Variants in CDKAL1 observed in about 807,000 individuals in gnomAD.
CDKAL1 encodes the protein CDKAL1 threonylcarbamoyladenosine tRNA methylthiotransferase, also known as threonylcarbamoyladenosine tRNA methylthiotransferase.
A neutral mutation model predicts 68.2 loss-of-function variants in CDKAL1; 32 were observed. The observed-to-expected ratio is 0.47, with a 90% CI of 0.35 to 0.63. CDKAL1 has a LOEUF of 0.63. Among genes scored for constraint, CDKAL1 ranks in the 30% least tolerant of loss-of-function variants. CDKAL1 has a pLI of 0.00. For missense variants in CDKAL1, 606 were observed against 696.7 expected (o/e 0.87, Z 1.47); for synonymous variants, 234 against 244.3 (o/e 0.96, Z 0.39).
intron 11 of CDKAL1, among the ~76,000 whole-genome samples, chr6:21,045,786 G>T (rs1476804869): frequency 6.6e-6 from 1 of 152,176 alleles, no homozygotes; most frequent in East Asian, 1.9e-4. Context: ...TGATGGAGGG[G>T]TGCTGAGAAA....
intron 4 of CDKAL1, among the ~76,000 whole-genome samples, chr6:20,617,226 T>C (rs1766958402): frequency 6.6e-6 from 1 of 152,080 alleles, no homozygotes; most frequent in Non-Finnish European, 1.5e-5. Context: ...GAGATCTGCC[T>C]CTGTATGCCA....
At chr6:21,174,843 G>C (rs917441767) in intron 13 of CDKAL1, among the ~76,000 whole-genome samples, 5 of 152,094 alleles carry the variant, frequency 3.3e-5, no homozygotes, top group Non-Finnish European at 7.4e-5. Context: ...ATGCGTTATT[G>C]TTGGTAATAG....
At chr6:21,180,460 CT>C (rs1425937601) in intron 13 of CDKAL1, among the ~76,000 whole-genome samples, 1 of 151,608 alleles carries the variant, frequency 6.6e-6, no homozygotes, top group African/African-American at 2.4e-5. Flanking sequence ...CTATTTACAG[CT>C]GCTAGTGTTT....
intron 8 of CDKAL1, among the ~76,000 whole-genome samples, chr6:20,831,347 G>A (rs1013120171): frequency 6.6e-6 from 1 of 152,152 alleles, no homozygotes; most frequent in African/African-American, 2.4e-5. Context: ...TGAATATGGC[G>A]GAGGAGGCAA....
chr6:21,049,078 A>G (rs1046757903), intron 11 of CDKAL1, among the ~76,000 whole-genome samples: 3 of 152,132 alleles, frequency 2.0e-5, no homozygotes, highest in Non-Finnish European at 4.4e-5. Flanking sequence ...AAGCAGACAG[A>G]AAAAGGTATA....
chr6:20,853,388 AAAC>A (rs796181770), intron 9 of CDKAL1, among the ~76,000 whole-genome samples: 5,356 of 27,400 alleles, frequency 0.2, 391 homozygotes, highest in African/African-American at 0.35. Flanking sequence ...TCAAAAAACA[AAAC>A]AAAAAAAAAA....
chr6:21,105,048 GT>G (rs1448674493), intron 12 of CDKAL1, among the ~76,000 whole-genome samples: 1 of 152,054 alleles, frequency 6.6e-6, no homozygotes, highest in Non-Finnish European at 1.5e-5. Context: ...TTTCCCCAGT[GT>G]TTTATATCAA....
At chr6:20,546,238 A>G (rs1213731444) in intron 2 of CDKAL1, 108 bp from the exon 3 acceptor site, 4 of 776,926 alleles carry the variant, frequency 5.1e-6, no homozygotes, top group Non-Finnish European at 6.1e-6. Flanking sequence ...ATTTGAAGTT[A>G]GATCCAAAGG....
rs988235934 is a variant in CDKAL1 at position 21,096,526 on chromosome 6, G to T, written c.1237-11875G>T. Among the ~76,000 whole-genome samples the T allele has an allele frequency of 2.3e-4, 35 of 152,116 alleles. 1 individual carries two copies. The highest frequency in any genetic ancestry group is 8.2e-4 in the African/African-American group (34 of 41,396). On this transcript the variant is annotated intron_variant, in intron 12 of 15. Coordinates refer to ENST00000274695, the MANE Select transcript of CDKAL1 (RefSeq NM_017774.3). Reference sequence around the variant, plus strand: ...AATGTAGAAATACATAGAACTCCAGGATACTAATTAGCAAAACTCACACTG... The same window carrying T: ...AATGTAGAAATACATAGAACTCCAGTATACTAATTAGCAAAACTCACACTG...
At chr6:21,056,704 C>G (rs1770856389) in intron 11 of CDKAL1, among the ~76,000 whole-genome samples, 1 of 152,112 alleles carries the variant, frequency 6.6e-6, no homozygotes, top group Non-Finnish European at 1.5e-5. Flanking sequence ...TCCATCAATA[C>G]CTAGTTAATT....
chr6:20,844,883 C>T (rs545283750), intron 8 of CDKAL1, among the ~76,000 whole-genome samples: 1 of 152,222 alleles, frequency 6.6e-6, no homozygotes, highest in African/African-American at 2.4e-5. Context: ...AGACTAGAAC[C>T]TCTATTTGTA....
At chr6:20,944,474 G>A (rs1356009260) in intron 9 of CDKAL1, among the ~76,000 whole-genome samples, 1 of 152,162 alleles carries the variant, frequency 6.6e-6, no homozygotes, top group Non-Finnish European at 1.5e-5. Context: ...AGACTCCCAA[G>A]TAGCTGGGAT....
chr6:20,853,894 A>G (rs1000432618), intron 9 of CDKAL1, among the ~76,000 whole-genome samples: 1 of 152,180 alleles, frequency 6.6e-6, no homozygotes, highest in Non-Finnish European at 1.5e-5. Context: ...CATATGGGGA[A>G]GGTGGAGGGG....
At chr6:20,930,577 G>T (rs1763395682) in intron 9 of CDKAL1, among the ~76,000 whole-genome samples, 1 of 152,112 alleles carries the variant, frequency 6.6e-6, no homozygotes, top group South Asian at 2.1e-4. Flanking sequence ...AACCCATGTC[G>T]AAACCTGGAG....
intron 12 of CDKAL1, among the ~76,000 whole-genome samples, chr6:21,076,947 A>G (rs781177512): frequency 2.9e-4 from 44 of 152,124 alleles, no homozygotes; most frequent in Non-Finnish European, 5.7e-4. Context: ...GCTTTTTATA[A>G]TGACTCTATA....
chr6:20,988,253 T>C (rs1766595525), intron 10 of CDKAL1, among the ~76,000 whole-genome samples: 2 of 151,372 alleles, frequency 1.3e-5, no homozygotes, highest in Admixed American at 1.3e-4. Context: ...TCTGCCATTT[T>C]GTTTAATTTG....
chr6:21,230,714 G>A, intron 15 of CDKAL1, 134 bp from the exon 16 acceptor site: 1 of 619,042 alleles, frequency 1.6e-6, no homozygotes, highest in Non-Finnish European at 2.6e-6. Context: ...GGCCCATGGT[G>A]GGTGTTCAAA....
At chr6:20,660,016 T>G (rs1284989561) in intron 5 of CDKAL1, among the ~76,000 whole-genome samples, 1 of 152,100 alleles carries the variant, frequency 6.6e-6, no homozygotes, top group Non-Finnish European at 1.5e-5. Context: ...TCTTCTCTCT[T>G]TCCTCCAAAT....
Position 20,693,350 on chromosome 6 carries a change from C to A in CDKAL1, c.371+43973C>A, listed in dbSNP as rs181526281. On this transcript the variant is annotated intron_variant, in intron 5 of 15. Coordinates refer to ENST00000274695, the MANE Select transcript of CDKAL1 (RefSeq NM_017774.3). ...ACTAACCATTGTTGAAACTTGTAACCATTTCTGATAATTTGCCCAGTTGAA... is the reference window on the plus strand; with the variant it reads ...ACTAACCATTGTTGAAACTTGTAACAATTTCTGATAATTTGCCCAGTTGAA... 1.4e-3 allele frequency among the ~76,000 whole-genome samples: 216 copies of A among 152,170 alleles called. 1 individual carries two copies. The highest frequency in any genetic ancestry group is 6.8e-3 in the Middle Eastern group (2 of 294).
Sources: gnomAD v4.1 joint callset for allele counts (sites outside exome capture counted in the v4.1 genomes callset) on GRCh38, gnomAD v4.1.1 for gene constraint, MANE v1.5 for transcripts, NCBI Gene and HGNC (gene_info 2026-07-23, HGNC 2026-07-21) for gene names.